RBFOX1: variants seen among roughly 807,000 people sequenced by gnomAD.
The protein encoded by RBFOX1 is RNA binding protein fox-1 homolog 1.
In RBFOX1, 8 loss-of-function variants were observed where a neutral mutation model predicts 57.7. The ratio of observed to expected loss-of-function variants is 0.14; its 90% CI spans 0.08 to 0.25. The LOEUF (loss-of-function observed/expected upper bound fraction) is 0.25, where lower values mean the gene tolerates loss of function less well. Among genes scored for constraint, RBFOX1 ranks in the 10% least tolerant of loss-of-function variants. RBFOX1 has a pLI of 1.00. For synonymous variants in RBFOX1, 326 were observed against 222.4 expected (o/e 1.47, Z -4.15); for missense variants, 611 against 548.5 (o/e 1.11, Z -1.14).
intron 2 of RBFOX1, among the ~76,000 whole-genome samples, chr16:6,589,224 C>A (rs972898934): frequency 6.6e-6 from 1 of 152,170 alleles, no homozygotes; most frequent in Admixed American, 6.5e-5. Flanking sequence ...GAACTCTAAC[C>A]AGCCAATGGG....
At chr16:7,132,453 C>G (rs994429461) in intron 4 of RBFOX1, among the ~76,000 whole-genome samples, 9 of 78,372 alleles carry the variant, frequency 1.1e-4, no homozygotes, top group Non-Finnish European at 2.2e-4. Context: ...CACACACACA[C>G]ACACACACAC....
intron 4 of RBFOX1, among the ~76,000 whole-genome samples, chr16:7,188,179 T>C (rs2084397977): frequency 1.3e-5 from 2 of 152,154 alleles, no homozygotes; most frequent in Admixed American, 6.5e-5. Context: ...AAACCAGAGG[T>C]ATAAATACGA....
At chr16:6,185,936 A>G (rs1032779354) in intron 1 of RBFOX1, among the ~76,000 whole-genome samples, 8 of 152,184 alleles carry the variant, frequency 5.3e-5, no homozygotes, top group African/African-American at 1.9e-4. Context: ...AGAGCTAAGG[A>G]CAGGCAGACC....
At chr16:6,785,622 A>G (rs62016102) in intron 3 of RBFOX1, among the ~76,000 whole-genome samples, 16,819 of 152,210 alleles carry the variant, frequency 0.11, 1,054 homozygotes, top group African/African-American at 0.16. Context: ...TTTCAACTGC[A>G]CAATAACCAT....
chr16:5,549,241 C>A, intron 2 of RBFOX1, among the ~76,000 whole-genome samples: 1 of 152,152 alleles, frequency 6.6e-6, no homozygotes, highest in East Asian at 1.9e-4. Context: ...CTGGGAGAGC[C>A]TGGGAGCCTT....
chr16:6,016,391 T>A (rs1180489322), upstream of RBFOX1, among the ~76,000 whole-genome samples: 1 of 152,048 alleles, frequency 6.6e-6, no homozygotes, highest in Non-Finnish European at 1.5e-5. Context: ...GAACAACATA[T>A]ACAAAAGATT....
intron 13 of RBFOX1, among the ~76,000 whole-genome samples, chr16:7,671,040 C>T (rs2071266774): frequency 6.6e-6 from 1 of 152,134 alleles, no homozygotes; most frequent in Non-Finnish European, 1.5e-5. Flanking sequence ...ATCGTAGCTT[C>T]AGTGTAATTC....
intron 4 of RBFOX1, among the ~76,000 whole-genome samples, chr16:5,991,507 A>G (rs970082835): frequency 1.3e-5 from 2 of 152,152 alleles, no homozygotes; most frequent in Non-Finnish European, 2.9e-5. Context: ...TTACGGAAGT[A>G]TTATTTATTG....
intron 2 of RBFOX1, among the ~76,000 whole-genome samples, chr16:6,532,357 C>T (rs1277497167): frequency 6.6e-6 from 1 of 152,122 alleles, no homozygotes; most frequent in Non-Finnish European, 1.5e-5. Flanking sequence ...CGATTTCTAT[C>T]CTCTTGCCTG....
At position 6,780,325 on chromosome 16, in the gene RBFOX1, A is replaced by T. The variant is rs1266582496; in HGVS notation, c.-16+125675A>T. 2.5e-5 allele frequency among the ~76,000 whole-genome samples: 2 copies of T among 78,984 alleles called. 1 individual carries two copies. Among genetic ancestry groups the T allele is most frequent in the Non-Finnish European group, 4.2e-5 (2 of 47,738 alleles). The allele number at this position is 78,984 out of a possible 152,430, so 51.8% of individuals were successfully genotyped here. On this transcript the variant is annotated intron_variant, in intron 3 of 15. Transcript: ENST00000550418. ...TACATATATATATTTATTCATATTT[A>T]TATATATTTATACATATTTATATAC...
chr16:5,399,857 A>G (rs544926347), intron 1 of RBFOX1, among the ~76,000 whole-genome samples: 13 of 152,058 alleles, frequency 8.5e-5, no homozygotes, highest in Non-Finnish European at 1.6e-4. Flanking sequence ...GGTTTTGAAG[A>G]TCAAAAGCAG....
At chr16:5,532,079 G>A (rs547938795) in intron 2 of RBFOX1, among the ~76,000 whole-genome samples, 8 of 152,312 alleles carry the variant, frequency 5.3e-5, no homozygotes, top group African/African-American at 1.9e-4. Context: ...GATTACAGGC[G>A]TGAACCACCA....
At chr16:5,738,533 C>A (rs1486327150) in intron 3 of RBFOX1, among the ~76,000 whole-genome samples, 1 of 146,980 alleles carries the variant, frequency 6.8e-6, no homozygotes, top group Non-Finnish European at 1.5e-5. Context: ...ACTCAGGAGG[C>A]TGAGACAGGA....
chr16:5,655,134 T>A (rs978878633), intron 3 of RBFOX1, among the ~76,000 whole-genome samples: 6 of 152,152 alleles, frequency 3.9e-5, no homozygotes, highest in African/African-American at 1.4e-4. Flanking sequence ...AAATGGAACA[T>A]ATTTTATTAT....
At chr16:5,287,863 A>G (rs2063436250) in intron 1 of RBFOX1, among the ~76,000 whole-genome samples, 1 of 152,232 alleles carries the variant, frequency 6.6e-6, no homozygotes, top group Non-Finnish European at 1.5e-5. Flanking sequence ...GCAGAGACAA[A>G]TGGCAGAGTC....
chr16:6,064,170 A>G (rs1300172496), intron 1 of RBFOX1, among the ~76,000 whole-genome samples: 1 of 152,174 alleles, frequency 6.6e-6, no homozygotes, highest in Non-Finnish European at 1.5e-5. Context: ...CTAGGATATT[A>G]TAGAGCCTAT....
chr16:6,165,891 T>C (rs1358536479), intron 1 of RBFOX1, among the ~76,000 whole-genome samples: 3 of 152,084 alleles, frequency 2.0e-5, no homozygotes, highest in Non-Finnish European at 2.9e-5. Flanking sequence ...GGCCAATGCA[T>C]GAAAAAGAGG....
intron 3 of RBFOX1, among the ~76,000 whole-genome samples, chr16:6,755,179 C>A (rs1466795260): frequency 6.6e-6 from 1 of 152,164 alleles, no homozygotes; most frequent in South Asian, 2.1e-4. Flanking sequence ...GTGCATGTGT[C>A]TTTATAGCAG....
intron 2 of RBFOX1, among the ~76,000 whole-genome samples, chr16:6,651,612 T>G (rs189631222): frequency 4.6e-5 from 7 of 152,276 alleles, no homozygotes; most frequent in Non-Finnish European, 7.4e-5. Context: ...TTAGTGGGGA[T>G]GTAAAATGGT....
Sources: gnomAD v4.1 joint callset for allele counts (sites outside exome capture counted in the v4.1 genomes callset) on GRCh38, gnomAD v4.1.1 for gene constraint, MANE v1.5 for transcripts, NCBI Gene and HGNC (gene_info 2026-07-23, HGNC 2026-07-21) for gene names.